TMEM244: variants seen among roughly 807,000 people sequenced by gnomAD.
The protein encoded by TMEM244 is putative transmembrane protein 244.
A neutral mutation model predicts 15.8 loss-of-function variants in TMEM244; 13 were observed. That is an observed-to-expected ratio of 0.82 (90% CI 0.53 to 1.30). The LOEUF is 1.30. Among genes scored for constraint, TMEM244 ranks in the 50% most tolerant of loss-of-function variants. The pLI is 0.00. For synonymous variants in TMEM244, 45 were observed against 48.7 expected, an observed-to-expected ratio of 0.92 and a Z score of 0.32; for missense variants, 161 against 144.9, an observed-to-expected ratio of 1.11 and a Z score of -0.57.
At chr6:129,840,536 A>G (rs1352837446) in intron 3 of TMEM244, among the ~76,000 whole-genome samples, 2 of 152,236 alleles carry the variant, frequency 1.3e-5, no homozygotes, top group East Asian at 1.9e-4. Context: ...CTTCATGACT[A>G]AAACCCCAAA....
chr6:129,860,104 C>T (rs1310966868), intron 1 of TMEM244, among the ~76,000 whole-genome samples: 2 of 140,610 alleles, frequency 1.4e-5, no homozygotes, highest in Non-Finnish European at 1.5e-5. Context: ...CTCTGCAATG[C>T]GTGTGTGTGT....
intron 1 of TMEM244, among the ~76,000 whole-genome samples, chr6:129,851,120 G>A (rs1433946031): frequency 6.6e-6 from 1 of 152,042 alleles, no homozygotes; most frequent in Non-Finnish European, 1.5e-5. Context: ...TGGAAACTGA[G>A]ACAAAGAGAG....
chr6:129,847,844 G>A (rs184141401), intron 1 of TMEM244, among the ~76,000 whole-genome samples: 19 of 147,994 alleles, frequency 1.3e-4, no homozygotes, highest in African/African-American at 4.5e-4. Context: ...GCATGATCTC[G>A]GCTCACTGCA....
chr6:129,831,256 T>C lies in TMEM244; in HGVS notation c.*63A>G. ...AGAAAGACAATAATTGTAAAATCTA[T>C]GAGAAAATAAAATATATTTCCACAG... On this transcript the variant is annotated 3_prime_UTR_variant, in exon 5 of 5. Transcript: ENST00000368143. 1.0e-6 allele frequency: 1 copy of C among 989,056 alleles called. No homozygotes were observed. Among genetic ancestry groups the C allele is most frequent in the Non-Finnish European group, 1.6e-6 (1 of 639,186 alleles). The allele number at this position is 989,056 out of a possible 1,614,324, so 61.3% of individuals were successfully genotyped here. A position where few individuals can be genotyped will look rare whatever the true frequency, so the allele number is the denominator to read the frequency against.
intron 3 of TMEM244, among the ~76,000 whole-genome samples, chr6:129,833,947 T>A (rs1562195066): frequency 6.6e-6 from 1 of 152,084 alleles, no homozygotes; most frequent in Non-Finnish European, 1.5e-5. Context: ...AAAATCCAGT[T>A]CTGAGTTTTA....
chr6:129,835,477 C>T (rs1474386332), intron 3 of TMEM244, among the ~76,000 whole-genome samples: 1 of 151,924 alleles, frequency 6.6e-6, no homozygotes, highest in Non-Finnish European at 1.5e-5. Flanking sequence ...TTGCAGCTCC[C>T]AGTGAGATCG....
chr6:129,853,635 C>T (rs1312522476), intron 1 of TMEM244, among the ~76,000 whole-genome samples: 1 of 152,104 alleles, frequency 6.6e-6, no homozygotes, highest in Non-Finnish European at 1.5e-5. Flanking sequence ...TGATACCAGC[C>T]TTCCTTCCAC....
chr6:129,852,256 G>A (rs1339299950), intron 1 of TMEM244, among the ~76,000 whole-genome samples: 1 of 151,920 alleles, frequency 6.6e-6, no homozygotes, highest in Non-Finnish European at 1.5e-5. Context: ...TATTCAACCG[G>A]TGAGCATCTT....
intron 1 of TMEM244, among the ~76,000 whole-genome samples, chr6:129,851,104 CA>C (rs1195782067): frequency 1.1e-4 from 17 of 152,118 alleles, no homozygotes; most frequent in Non-Finnish European, 8.8e-5. Flanking sequence ...TTGCATTTCA[CA>C]GACTTGGAAA....
intron 1 of TMEM244, among the ~76,000 whole-genome samples, chr6:129,850,946 T>C (rs559192910): frequency 6.6e-6 from 1 of 152,324 alleles, no homozygotes; most frequent in South Asian, 2.1e-4. Flanking sequence ...CCCCTGCCCC[T>C]GTTGATAGTC....
At chr6:129,831,970 G>A (rs1776334682) in intron 4 of TMEM244, among the ~76,000 whole-genome samples, 1 of 152,156 alleles carries the variant, frequency 6.6e-6, no homozygotes, top group Admixed American at 6.5e-5. Context: ...TACTGAGGGA[G>A]GGTTTGTGTC....
Position 129,857,520 on chromosome 6 carries a change from G to A in TMEM244, c.33+3636C>T, listed in dbSNP as rs147851546. 5.8e-3 allele frequency among the ~76,000 whole-genome samples: 884 copies of A among 151,982 alleles called. 5 individuals carry two copies. The highest frequency in any genetic ancestry group is 0.02 in the African/African-American group (818 of 41,468). ...ACAGGCACATGCCACCACCACGCCTGGCTAATTTTTTGTATTTTTAGTAGA... is the reference window on the plus strand; with the variant it reads ...ACAGGCACATGCCACCACCACGCCTAGCTAATTTTTTGTATTTTTAGTAGA... On this transcript the variant is annotated intron_variant, in intron 1 of 4. Coordinates refer to ENST00000368143, the MANE Select transcript of TMEM244 (RefSeq NM_001010876.2).
intron 3 of TMEM244, among the ~76,000 whole-genome samples, chr6:129,840,813 A>C (rs1360517395): frequency 6.6e-6 from 1 of 152,256 alleles, no homozygotes; most frequent in Non-Finnish European, 1.5e-5. Context: ...GCCAACAGAC[A>C]TATGAACAAA....
rs148505749 is a variant in TMEM244, at chr6:129,857,419, G to A, written c.33+3737C>T. Among the ~76,000 whole-genome samples the A allele has an allele frequency of 1.1e-4, 17 of 151,932 alleles. No homozygotes were observed. In the East Asian group the frequency reaches 3.1e-3, roughly 28 times the overall value. The stretch of plus-strand genomic sequence containing the variant: ...CACCCAGACTGGAGTGCAATGGTGA[G>A]ATCTCAGCTCACCACAACCTCCGTC... On this transcript the variant is annotated intron_variant, in intron 1 of 4. Coordinates refer to ENST00000368143, the MANE Select transcript of TMEM244 (RefSeq NM_001010876.2).
At chr6:129,857,365 AT>A (rs963266111) in intron 1 of TMEM244, among the ~76,000 whole-genome samples, 6 of 150,900 alleles carry the variant, frequency 4.0e-5, no homozygotes, top group African/African-American at 1.2e-4. Flanking sequence ...TATATAAATT[AT>A]TTTTTTTGAG....
chr6:129,833,904 A>G (rs2114632057), intron 3 of TMEM244, among the ~76,000 whole-genome samples: 1 of 152,340 alleles, frequency 6.6e-6, no homozygotes, highest in East Asian at 1.9e-4. Flanking sequence ...TGGATTGCAA[A>G]TCTCATTTTA....
Position 129,843,779 on chromosome 6 carries a change from CT to C in TMEM244, c.120-177del, listed in dbSNP as rs1776524304. On this transcript the variant is annotated intron_variant, in intron 2 of 4. Transcript: ENST00000368143. ...GAATCAGCAATGAAGATAATAATCT[CT>C]ATAGAATCTTTTTCTGACTCAAACA... Among the ~76,000 whole-genome samples, 2 of 152,176 alleles carry C rather than the reference CT, an allele frequency of 1.3e-5. 1 individual carries two copies. Among genetic ancestry groups the C allele is most frequent in the Non-Finnish European group, 2.9e-5 (2 of 68,040 alleles).
chr6:129,837,210 A>G (rs1412313236), intron 3 of TMEM244, among the ~76,000 whole-genome samples: 1 of 152,228 alleles, frequency 6.6e-6, no homozygotes, highest in Non-Finnish European at 1.5e-5. Context: ...AGCCCATCAG[A>G]CTAACAGTGG....
chr6:129,848,839 C>A (rs1776598203), intron 1 of TMEM244, among the ~76,000 whole-genome samples: 1 of 152,068 alleles, frequency 6.6e-6, no homozygotes, highest in Non-Finnish European at 1.5e-5. Context: ...ACATTAATAG[C>A]CTCTAGATAT....
Sources: gnomAD v4.1 joint callset for allele counts (sites outside exome capture counted in the v4.1 genomes callset) on GRCh38, gnomAD v4.1.1 for gene constraint, MANE v1.5 for transcripts, NCBI Gene and HGNC (gene_info 2026-07-23, HGNC 2026-07-21) for gene names.